Variants in ACTL8 observed in about 807,000 individuals in gnomAD.
The protein encoded by ACTL8 is actin like 8.
ACTL8 carries 3 observed loss-of-function variants against 9.3 expected under a neutral mutation model. The ratio of observed to expected loss-of-function variants is 0.32; its 90% CI spans 0.15 to 0.83. ACTL8 has a LOEUF of 0.83. Ranked by LOEUF, ACTL8 falls within the 40% of genes least tolerant of loss-of-function variation. The pLI, the probability that ACTL8 is intolerant of heterozygous loss-of-function variation, is 0.57. For missense variants in ACTL8, 381 were observed against 492.2 expected, an observed-to-expected ratio of 0.77 and a Z score of 2.14; for synonymous variants, 224 against 205.9, an observed-to-expected ratio of 1.09 and a Z score of -0.75.
intron 1 of ACTL8, among the ~76,000 whole-genome samples, chr1:17,805,524 G>T (rs1432762956): frequency 1.3e-5 from 2 of 151,598 alleles, no homozygotes; most frequent in Non-Finnish European, 2.9e-5. Flanking sequence ...TGGCCTACAG[G>T]TATGCACCAC....
At chr1:17,770,784 G>A (rs926554994) in intron 1 of ACTL8, among the ~76,000 whole-genome samples, 10 of 152,194 alleles carry the variant, frequency 6.6e-5, no homozygotes, top group Non-Finnish European at 1.3e-4. Context: ...AAGATGGACT[G>A]TATAGTCAGG....
intron 1 of ACTL8, among the ~76,000 whole-genome samples, chr1:17,796,754 G>C (rs953699302): frequency 6.6e-6 from 1 of 152,190 alleles, no homozygotes; most frequent in African/African-American, 2.4e-5. Context: ...CTAGTCTTCC[G>C]ACCTCTTCAA....
intron 1 of ACTL8, among the ~76,000 whole-genome samples, chr1:17,816,882 CA>C (rs1376183198): frequency 6.6e-6 from 1 of 152,122 alleles, no homozygotes; most frequent in Admixed American, 6.5e-5. Context: ...GGATTTTGCT[CA>C]GTCTTGGCTG....
chr1:17,759,034 T>TA (rs2065984456), intron 1 of ACTL8, among the ~76,000 whole-genome samples: 1 of 152,202 alleles, frequency 6.6e-6, no homozygotes, highest in Admixed American at 6.5e-5. Context: ...AGTGAGAACT[T>TA]ACAAGGATGA....
chr1:17,800,626 A>C (rs11583054), intron 1 of ACTL8, among the ~76,000 whole-genome samples: 14,762 of 115,146 alleles, frequency 0.13, 913 homozygotes, highest in Admixed American at 0.22. Context: ...AGAGTCTCGC[A>C]CTATTGTTGC....
chr1:17,774,712 A>G (rs561563464), intron 1 of ACTL8, among the ~76,000 whole-genome samples: 4 of 152,176 alleles, frequency 2.6e-5, no homozygotes, highest in Non-Finnish European at 5.9e-5. Context: ...CTTGTGGACA[A>G]GGCCACAGCC....
intron 1 of ACTL8, among the ~76,000 whole-genome samples, chr1:17,808,357 C>G (rs980027335): frequency 6.6e-6 from 1 of 152,202 alleles, no homozygotes; most frequent in East Asian, 1.9e-4. Flanking sequence ...ATTGTTAGTC[C>G]TTTCATCTGT....
intron 1 of ACTL8, among the ~76,000 whole-genome samples, chr1:17,820,568 CT>C (rs36094618): frequency 0.37 from 51,907 of 139,350 alleles, 9,377 homozygotes; most frequent in East Asian, 0.42. Context: ...GTATGTTGAA[CT>C]TTTTTTTTTT....
chr1:17,778,764 A>G (rs1336654878), intron 1 of ACTL8, among the ~76,000 whole-genome samples: 2 of 152,126 alleles, frequency 1.3e-5, no homozygotes, highest in Admixed American at 6.5e-5. Flanking sequence ...TCTTGGGCAC[A>G]ATGTGTCTGA....
chr1:17,796,825 G>A lies in ACTL8; in HGVS notation c.-24-26160G>A, dbSNP rs572182358. Among the ~76,000 whole-genome samples, 14 of 152,340 alleles carry A rather than the reference G, an allele frequency of 9.2e-5. No homozygotes were observed. In the East Asian group the frequency reaches 2.5e-3, roughly 27 times the overall value. On this transcript the variant is annotated intron_variant, in intron 1 of 2. Transcript: ENST00000375406. The stretch of plus-strand genomic sequence containing the variant: ...GATTGCAACGAGTAGGGAGGTTTAG[G>A]TGGCTACTTGTCGGAGTGTTAACTT...
intron 1 of ACTL8, among the ~76,000 whole-genome samples, chr1:17,783,594 A>C (rs565867298): frequency 1.3e-5 from 2 of 152,200 alleles, no homozygotes; most frequent in East Asian, 1.9e-4. Flanking sequence ...TAGCTTCGCA[A>C]CTCTGGCCTC....
At position 17,826,654 on chromosome 1, in the gene ACTL8, G is replaced by T. The variant is rs1027197551; in HGVS notation, c.*135G>T. 9 of 885,888 alleles carry T rather than the reference G, an allele frequency of 1.0e-5. No individual in the cohort carries two copies. In the African/African-American group the frequency reaches 1.3e-4, roughly 13 times the overall value. The allele number at this position is 885,888 out of a possible 1,614,324, so 54.9% of individuals were successfully genotyped here. A position where few individuals can be genotyped will look rare whatever the true frequency, so the allele number is the denominator to read the frequency against. On this transcript the variant is annotated 3_prime_UTR_variant, in exon 3 of 3. Transcript: ENST00000375406. The surrounding 1 kb of genome is among the most constrained non-coding windows in gnomAD (Gnocchi z 4.5). ...GCTTTGGAATTCTAGGGGCATGAGG[G>T]TATTTTTTAGGTTCTAAGGTTTTAT...
At chr1:17,778,540 A>C (rs1313392942) in intron 1 of ACTL8, among the ~76,000 whole-genome samples, 1 of 152,126 alleles carries the variant, frequency 6.6e-6, no homozygotes, top group Non-Finnish European at 1.5e-5. Flanking sequence ...CAAAAATCCC[A>C]AGGACCCTGG....
rs1225166537 is a variant in ACTL8 at position 17,770,306 on chromosome 1, G to GA, written c.-25+14803dup. 3.9e-5 allele frequency among the ~76,000 whole-genome samples: 6 copies of GA among 152,346 alleles called. No individual in the cohort carries two copies. In the East Asian group the frequency reaches 1.2e-3, roughly 29 times the overall value. On this transcript the variant is annotated intron_variant, in intron 1 of 2. Coordinates refer to ENST00000375406, the MANE Select transcript of ACTL8 (RefSeq NM_030812.3). ...GTAGATTCAGAGAGAAGGAAGCAGG[G>GA]AGGGTGGCCTTGAGATTTTCATAAC...
At chr1:17,802,803 C>T (rs918459521) in intron 1 of ACTL8, among the ~76,000 whole-genome samples, 101 of 151,958 alleles carry the variant, frequency 6.6e-4, no homozygotes, top group African/African-American at 2.3e-3. Flanking sequence ...GTCAACATGG[C>T]GAAACCCCAT....
intron 1 of ACTL8, among the ~76,000 whole-genome samples, chr1:17,777,077 C>T (rs2066123939): frequency 6.8e-6 from 1 of 148,090 alleles, no homozygotes; most frequent in South Asian, 2.2e-4. Context: ...GATCCTCCTG[C>T]CTTAGCCTCC....
At chr1:17,787,442 T>C (rs1017182437) in intron 1 of ACTL8, among the ~76,000 whole-genome samples, 5 of 152,148 alleles carry the variant, frequency 3.3e-5, no homozygotes, top group Non-Finnish European at 7.3e-5. Context: ...TTTTTTTCTG[T>C]ATTTTTAGTA....
At chr1:17,783,356 T>TG (rs1351262124) in intron 1 of ACTL8, among the ~76,000 whole-genome samples, 3 of 125,186 alleles carry the variant, frequency 2.4e-5, no homozygotes, top group Admixed American at 8.1e-5. Flanking sequence ...TGTTTTGTTT[T>TG]TTTTTTTTAA....
At chr1:17,766,942 CAG>C (rs2066049002) in intron 1 of ACTL8, among the ~76,000 whole-genome samples, 1 of 152,130 alleles carries the variant, frequency 6.6e-6, no homozygotes, top group African/African-American at 2.4e-5. Context: ...CTGGGCAAAA[CAG>C]ACAAAGTTTT....
Sources: gnomAD v4.1 joint callset for allele counts (sites outside exome capture counted in the v4.1 genomes callset) on GRCh38, gnomAD v4.1.1 for gene constraint, Gnocchi (gnomAD v3.1) non-coding constraint, MANE v1.5 for transcripts, NCBI Gene and HGNC (gene_info 2026-07-23, HGNC 2026-07-21) for gene names.